The following OPCML variants were observed in gnomAD, a reference collection of about 807,000 sequenced individuals.
OPCML encodes opioid binding protein/cell adhesion molecule like.
OPCML carries 13 observed loss-of-function variants against 37.8 expected under a neutral mutation model. The ratio of observed to expected loss-of-function variants is 0.34; its 90% CI spans 0.22 to 0.55. OPCML has a LOEUF of 0.55. Among genes scored for constraint, OPCML ranks in the 20% least tolerant of loss-of-function variants. The pLI, the probability that OPCML is intolerant of heterozygous loss-of-function variation, is 0.91. For synonymous variants in OPCML, 176 were observed against 168.8 expected, an observed-to-expected ratio of 1.04 and a Z score of -0.33; for missense variants, 341 against 435.6, an observed-to-expected ratio of 0.78 and a Z score of 1.93.
At chr11:132,569,087 G>T (rs188669183) in intron 3 of OPCML, among the ~76,000 whole-genome samples, 2 of 152,168 alleles carry the variant, frequency 1.3e-5, no homozygotes, top group Non-Finnish European at 2.9e-5. Flanking sequence ...ACTCGCCTGC[G>T]GTCGGGGCTG....
chr11:132,567,590 G>A (rs2096426807), intron 3 of OPCML, among the ~76,000 whole-genome samples: 1 of 152,182 alleles, frequency 6.6e-6, no homozygotes, highest in African/African-American at 2.4e-5. Context: ...ATATTGCTCG[G>A]GCAGGGGGAG....
chr11:133,170,617 C>T (rs553260331), intron 1 of OPCML, among the ~76,000 whole-genome samples: 2 of 152,196 alleles, frequency 1.3e-5, no homozygotes, highest in African/African-American at 2.4e-5. Context: ...AAATACAAGG[C>T]AATCAGCTAA....
At chr11:132,713,776 G>T (rs1784517) in intron 2 of OPCML, among the ~76,000 whole-genome samples, 117,725 of 152,126 alleles carry the variant, frequency 0.77, 45,677 homozygotes, top group Non-Finnish European at 0.79. Flanking sequence ...TGCCATTTTG[G>T]GTACGTTCTC....
intron 4 of OPCML, among the ~76,000 whole-genome samples, chr11:132,514,750 G>C (rs1270054039): frequency 6.6e-6 from 1 of 152,152 alleles, no homozygotes; most frequent in East Asian, 1.9e-4. Context: ...GTTTGGGGCT[G>C]GGTCAGGAGT....
At chr11:133,417,222 G>A (rs1945787842) in intron 1 of OPCML, among the ~76,000 whole-genome samples, 2 of 152,144 alleles carry the variant, frequency 1.3e-5, no homozygotes, top group African/African-American at 4.8e-5. Context: ...GTAGGAGGGG[G>A]TTGTGGGAAT....
intron 1 of OPCML, among the ~76,000 whole-genome samples, chr11:133,001,326 G>A (rs1946998047): frequency 6.6e-6 from 1 of 152,104 alleles, no homozygotes; most frequent in African/African-American, 2.4e-5. Flanking sequence ...ACCAATGCAT[G>A]GCCCCTTCCT....
intron 1 of OPCML, among the ~76,000 whole-genome samples, chr11:133,078,008 A>G (rs1948650397): frequency 6.6e-6 from 1 of 152,216 alleles, no homozygotes; most frequent in Non-Finnish European, 1.5e-5. Context: ...GGAATCTGGT[A>G]ACTCTTAGAC....
intron 1 of OPCML, among the ~76,000 whole-genome samples, chr11:133,072,352 A>T (rs1177579980): frequency 2.0e-5 from 3 of 152,242 alleles, no homozygotes; most frequent in Admixed American, 1.3e-4. Flanking sequence ...TTGAGAAAAT[A>T]AGTGAGACTA....
chr11:132,838,498 G>T (rs924013151), intron 2 of OPCML, among the ~76,000 whole-genome samples: 2 of 152,062 alleles, frequency 1.3e-5, no homozygotes, highest in African/African-American at 4.8e-5. Flanking sequence ...CAGAAGAACC[G>T]CCTGTCCAAT....
At chr11:133,330,871 A>C (rs1316581789) in intron 1 of OPCML, among the ~76,000 whole-genome samples, 1 of 152,192 alleles carries the variant, frequency 6.6e-6, no homozygotes, top group Non-Finnish European at 1.5e-5. Context: ...TCATTTGCAC[A>C]ATTAAGAGGG....
intron 2 of OPCML, among the ~76,000 whole-genome samples, chr11:132,698,668 TG>T (rs1260946450): frequency 6.6e-6 from 1 of 152,198 alleles, no homozygotes; most frequent in Non-Finnish European, 1.5e-5. Flanking sequence ...TTGTTTTTAT[TG>T]CCTATGCTTT....
At chr11:133,484,271 C>A (rs1947481824) in intron 1 of OPCML, among the ~76,000 whole-genome samples, 1 of 151,920 alleles carries the variant, frequency 6.6e-6, no homozygotes, top group African/African-American at 2.4e-5. Context: ...ATGGGGATAT[C>A]AAAGAATAAC....
intron 3 of OPCML, among the ~76,000 whole-genome samples, chr11:132,551,714 C>T (rs568863947): frequency 4.6e-5 from 7 of 152,094 alleles, no homozygotes; most frequent in Non-Finnish European, 7.3e-5. Context: ...ATTTCATCTT[C>T]GACACAATTT....
At chr11:132,774,716 C>T (rs1946756665) in intron 2 of OPCML, among the ~76,000 whole-genome samples, 1 of 152,184 alleles carries the variant, frequency 6.6e-6, no homozygotes, top group Non-Finnish European at 1.5e-5. Context: ...GCAACCTCAC[C>T]ATGTTCCTCA....
chr11:133,317,030 T>C (rs1261667432), intron 1 of OPCML, among the ~76,000 whole-genome samples: 1 of 152,096 alleles, frequency 6.6e-6, no homozygotes, highest in African/African-American at 2.4e-5. Flanking sequence ...AAACCCCATC[T>C]CTACTAAAAA....
At chr11:133,325,372 C>T (rs915875736) in intron 1 of OPCML, among the ~76,000 whole-genome samples, 1 of 152,218 alleles carries the variant, frequency 6.6e-6, no homozygotes, top group Admixed American at 6.5e-5. Context: ...CAAACACCTA[C>T]AAAATTACTC....
chr11:132,787,285 C>T (rs1361786254), intron 2 of OPCML, among the ~76,000 whole-genome samples: 2 of 152,180 alleles, frequency 1.3e-5, no homozygotes, highest in Non-Finnish European at 2.9e-5. Flanking sequence ...TAATGCATGA[C>T]TGTGAGCAAA....
chr11:132,562,531 G>A (rs777851009), intron 3 of OPCML, among the ~76,000 whole-genome samples: 13 of 152,068 alleles, frequency 8.5e-5, no homozygotes, highest in Non-Finnish European at 1.5e-4. Flanking sequence ...AAGCAGAACT[G>A]CAACTGATGG....
At chr11:133,320,385 C>T (rs1368835690) in intron 1 of OPCML, among the ~76,000 whole-genome samples, 1 of 152,202 alleles carries the variant, frequency 6.6e-6, no homozygotes, top group Non-Finnish European at 1.5e-5. Flanking sequence ...AAATTTGCCA[C>T]TTATCCTGCG....
Sources: gnomAD v4.1 joint callset for allele counts (sites outside exome capture counted in the v4.1 genomes callset) on GRCh38, gnomAD v4.1.1 for gene constraint, MANE v1.5 for transcripts, NCBI Gene and HGNC (gene_info 2026-07-23, HGNC 2026-07-21) for gene names.